LARS2: variants seen among roughly 807,000 people sequenced by gnomAD.
LARS2 encodes the protein leucine--tRNA ligase, mitochondrial.
In LARS2, 81 loss-of-function variants were observed where a neutral mutation model predicts 116.6. The observed-to-expected ratio is 0.69, with a 90% CI of 0.58 to 0.84. The LOEUF (loss-of-function observed/expected upper bound fraction) is 0.84, where lower values mean the gene tolerates loss of function less well. Among genes scored for constraint, LARS2 ranks in the 40% least tolerant of loss-of-function variants. The probability of loss-of-function intolerance (pLI) is 0.00; values close to 1 mark genes in which losing one functional copy is unlikely to be tolerated. For synonymous variants in LARS2, 396 were observed against 407.2 expected, an observed-to-expected ratio of 0.97 and a Z score of 0.33; for missense variants, 968 against 1,114.5, an observed-to-expected ratio of 0.87 and a Z score of 1.87.
At chr3:45,525,850 G>T (rs146934432) in intron 20 of LARS2, among the ~76,000 whole-genome samples, 21 of 152,238 alleles carry the variant, frequency 1.4e-4, no homozygotes, top group African/African-American at 5.1e-4. Context: ...TCTGGAATTC[G>T]GGAAGTCCTT....
At chr3:45,442,304 G>T (rs1336955575) in intron 6 of LARS2, among the ~76,000 whole-genome samples, 1 of 152,202 alleles carries the variant, frequency 6.6e-6, no homozygotes, top group African/African-American at 2.4e-5. Flanking sequence ...CCTTGGAGTT[G>T]CAGGCAGGGT....
intron 4 of LARS2, among the ~76,000 whole-genome samples, chr3:45,401,036 T>C (rs1054302284): frequency 2.6e-5 from 4 of 152,160 alleles, no homozygotes; most frequent in Non-Finnish European, 5.9e-5. Context: ...TGGTCTTGAT[T>C]TCCTGGCCTC....
At chr3:45,422,695 A>C (rs990266937) in intron 6 of LARS2, among the ~76,000 whole-genome samples, 1 of 152,180 alleles carries the variant, frequency 6.6e-6, no homozygotes, top group Non-Finnish European at 1.5e-5. Flanking sequence ...AACTATTTTT[A>C]ATTACAATTG....
intron 13 of LARS2, among the ~76,000 whole-genome samples, chr3:45,492,030 G>A (rs2125733135): frequency 6.6e-6 from 1 of 152,384 alleles, no homozygotes; most frequent in African/African-American, 2.4e-5. Context: ...GGAAGCAGCA[G>A]TGTCAGTTCA....
chr3:45,451,754 T>C (rs1302032507), intron 7 of LARS2, among the ~76,000 whole-genome samples: 1 of 152,148 alleles, frequency 6.6e-6, no homozygotes, highest in Non-Finnish European at 1.5e-5. Context: ...GTCATTGATA[T>C]TCTGATAGGG....
intron 6 of LARS2, among the ~76,000 whole-genome samples, chr3:45,420,038 T>C (rs1246654152): frequency 6.6e-6 from 1 of 152,252 alleles, no homozygotes; most frequent in Non-Finnish European, 1.5e-5. Flanking sequence ...TGTTGGAATC[T>C]ATATTAAAGT....
chr3:45,483,313 A>T (rs976897932), intron 10 of LARS2, among the ~76,000 whole-genome samples: 8 of 152,210 alleles, frequency 5.3e-5, no homozygotes, highest in African/African-American at 1.9e-4. Context: ...ACATCATATT[A>T]TAATTGCAAA....
At chr3:45,507,987 A>C (rs1700224178) in intron 15 of LARS2, among the ~76,000 whole-genome samples, 1 of 152,014 alleles carries the variant, frequency 6.6e-6, no homozygotes, top group South Asian at 2.1e-4. Flanking sequence ...GTTGAAAGAG[A>C]GGGGGCACAT....
chr3:45,439,468 C>G (rs1376696241), intron 6 of LARS2, among the ~76,000 whole-genome samples: 1 of 152,102 alleles, frequency 6.6e-6, no homozygotes, highest in South Asian at 2.1e-4. Flanking sequence ...ATCCGCCCAC[C>G]TTGGCCTCCC....
intron 6 of LARS2, among the ~76,000 whole-genome samples, chr3:45,445,390 T>C (rs2125703388): frequency 6.6e-6 from 1 of 152,282 alleles, no homozygotes; most frequent in Middle Eastern, 3.4e-3. Flanking sequence ...GAGGAAAAGA[T>C]GATGGATGAG....
intron 20 of LARS2, among the ~76,000 whole-genome samples, chr3:45,536,365 T>C (rs1450161295): frequency 6.6e-6 from 1 of 152,220 alleles, no homozygotes; most frequent in African/African-American, 2.4e-5. Flanking sequence ...CACCTCAGCC[T>C]CTCAAAGTGC....
chr3:45,528,473 A>T (rs1350658867), intron 20 of LARS2, among the ~76,000 whole-genome samples: 1 of 152,190 alleles, frequency 6.6e-6, no homozygotes, highest in Non-Finnish European at 1.5e-5. Flanking sequence ...ACCCATTTTA[A>T]GTATATACTC....
intron 15 of LARS2, among the ~76,000 whole-genome samples, chr3:45,501,418 G>A (rs150859055): frequency 1.8e-4 from 28 of 152,132 alleles, no homozygotes; most frequent in African/African-American, 6.7e-4. Context: ...TACATAGGTA[G>A]AATTATATTT....
chr3:45,484,615 A>AT (rs2125725905), intron 10 of LARS2, among the ~76,000 whole-genome samples: 1 of 75,718 alleles, frequency 1.3e-5, no homozygotes, highest in African/African-American at 4.5e-5. Context: ...AAAAAAAAAA[A>AT]AAAAAAAAAA....
chr3:45,447,050 G>A (rs182668003), intron 7 of LARS2, 70 bp downstream of exon 7: 49 of 843,202 alleles, frequency 5.8e-5, no homozygotes, highest in Middle Eastern at 4.6e-4. Context: ...TAGTAGCAGC[G>A]AAAATGAACG....
chr3:45,498,663 G>A (rs1322760379), intron 14 of LARS2, among the ~76,000 whole-genome samples: 3 of 152,060 alleles, frequency 2.0e-5, no homozygotes, highest in Admixed American at 1.3e-4. Flanking sequence ...ACAAATATTC[G>A]AAGTCCTCCA....
chr3:45,535,673 A>G (rs1336241276), intron 20 of LARS2, among the ~76,000 whole-genome samples: 1 of 151,960 alleles, frequency 6.6e-6, no homozygotes, highest in Non-Finnish European at 1.5e-5. Flanking sequence ...CCTTGTGATG[A>G]TGGAACTCTT....
intron 8 of LARS2, among the ~76,000 whole-genome samples, chr3:45,459,515 G>A (rs567844039): frequency 7.2e-5 from 11 of 152,240 alleles, no homozygotes; most frequent in African/African-American, 2.7e-4. Context: ...ACAATGAGCA[G>A]GTTGGACCAA....
At chr3:45,443,117 C>T (rs927867525) in intron 6 of LARS2, among the ~76,000 whole-genome samples, 13 of 152,118 alleles carry the variant, frequency 8.5e-5, no homozygotes, top group African/African-American at 2.2e-4. Flanking sequence ...AAAATTTTCC[C>T]GGTTGAGCAC....
Sources: allele counts gnomAD v4.1 joint callset (sites outside exome capture counted in the v4.1 genomes callset), GRCh38; gene constraint gnomAD v4.1.1; transcripts MANE v1.5; gene names NCBI Gene and HGNC (gene_info 2026-07-23, HGNC 2026-07-21).